Variants in ACTA2 observed in about 807,000 individuals in gnomAD.
The protein encoded by ACTA2 is actin alpha 2, smooth muscle.
ACTA2 carries 12 observed loss-of-function variants against 39.5 expected under a neutral mutation model. The observed-to-expected ratio is 0.30, with a 90% CI of 0.19 to 0.49. The LOEUF is 0.49. Ranked by LOEUF, ACTA2 falls within the 20% of genes least tolerant of loss-of-function variation. The pLI is 0.99. For missense variants in ACTA2, 236 were observed against 498.8 expected (o/e 0.47, Z 5.02); for synonymous variants, 158 against 180.6 (o/e 0.88, Z 1.00).
intron 2 of ACTA2, 33 bp from the exon 3 acceptor site, chr10:88,947,419 C>T: frequency 6.2e-7 from 1 of 1,612,948 alleles, no homozygotes; most frequent in Non-Finnish European, 8.5e-7. Flanking sequence ...GAGTCAGCAT[C>T]TCCCAAAACT....
At chr10:88,973,356 A>C in intron 1 of ACTA2, 1 of 1,483,368 alleles carries the variant, frequency 6.7e-7, no homozygotes, top group Middle Eastern at 1.8e-4. Context: ...AGGTAATCCA[A>C]GAATTGCCAG....
At position 88,939,507 on chromosome 10, in the gene ACTA2, C is replaced by T. The variant is rs794728028; in HGVS notation, c.808G>A (p.Gly270Arg). 8 of 1,612,866 alleles carry T rather than the reference C, an allele frequency of 5.0e-6. No individual in the cohort carries two copies. The highest frequency in any genetic ancestry group is 5.9e-6 in the Non-Finnish European group (7 of 1,179,900). Residue 270 changes from glycine to arginine, a missense_variant and splice_region_variant, in exon 7 of 9, where the codon GGG (glycine) becomes AGG (arginine). Coordinates refer to ENST00000224784, the MANE Select transcript of ACTA2 (RefSeq NM_001613.4). Reference sequence around the variant, plus strand: ...CAGGAAAAGGGCGTTTGTTGCCTACCGATGAAGGATGGCTGGAACAGGGTC... The same window carrying T: ...CAGGAAAAGGGCGTTTGTTGCCTACTGATGAAGGATGGCTGGAACAGGGTC... ...PETLFQPSFIGMESAGIHETT... is the reference protein window; with the variant it reads ...PETLFQPSFIRMESAGIHETT...
At chr10:88,958,953 C>T (rs190831727) in intron 1 of ACTA2, among the ~76,000 whole-genome samples, 1 of 152,278 alleles carries the variant, frequency 6.6e-6, no homozygotes, top group East Asian at 1.9e-4. Context: ...TTAGAGCAGC[C>T]TGTCCTGTAT....
chr10:88,976,486 A>T (rs1042669829), intron 1 of ACTA2, among the ~76,000 whole-genome samples: 15 of 152,256 alleles, frequency 9.9e-5, no homozygotes, highest in African/African-American at 3.6e-4. Context: ...TACATTAATT[A>T]CATTTGAATA....
intron 1 of ACTA2, among the ~76,000 whole-genome samples, chr10:88,961,391 T>G (rs1428679979): frequency 1.3e-5 from 2 of 152,226 alleles, no homozygotes; most frequent in African/African-American, 4.8e-5. Context: ...TTAAGTATCC[T>G]TTAATTCTTT....
rs111361601 is a variant in ACTA2, at chr10:88,983,212, T to C, written c.-24+7727A>G. 2.0e-5 allele frequency among the ~76,000 whole-genome samples: 3 copies of C among 152,094 alleles called. No individual in the cohort carries two copies. In the South Asian group the frequency reaches 6.2e-4, roughly 31 times the overall value. ...ATGTGAGCTATGATTCTTAGAGGAG[T>C]GAACATAAACAGCAAAAATTCTTAC... On this transcript the variant is annotated intron_variant, in intron 1 of 4. Coordinates refer to the ACTA2 transcript ENST00000415557.
intron 1 of ACTA2, among the ~76,000 whole-genome samples, chr10:88,949,749 A>T (rs945655898): frequency 6.6e-6 from 1 of 152,214 alleles, no homozygotes; most frequent in African/African-American, 2.4e-5. Flanking sequence ...GGTTAGAAAA[A>T]GTAACATTGT....
intron 1 of ACTA2, among the ~76,000 whole-genome samples, chr10:88,962,697 A>G (rs1425565528): frequency 6.6e-6 from 1 of 151,940 alleles, no homozygotes. Context: ...CGTGATTACC[A>G]TGATGTGGAA....
At chr10:88,951,633 T>C (rs1435751869) in intron 1 of ACTA2, among the ~76,000 whole-genome samples, 1 of 152,306 alleles carries the variant, frequency 6.6e-6, no homozygotes, top group East Asian at 1.9e-4. Flanking sequence ...CTAACCTGAA[T>C]GAGCAGTTCG....
intron 1 of ACTA2, among the ~76,000 whole-genome samples, chr10:88,981,424 C>T (rs988805193): frequency 6.6e-6 from 1 of 151,352 alleles, no homozygotes; most frequent in African/African-American, 2.4e-5. Flanking sequence ...TATCTTCCAT[C>T]GTCGTGATTT....
intron 1 of ACTA2, among the ~76,000 whole-genome samples, chr10:88,962,237 GCAAT>G (rs771888427): frequency 6.6e-6 from 1 of 152,072 alleles, no homozygotes. Flanking sequence ...TAAAATGATG[GCAAT>G]TAACTAACAT....
At chr10:88,970,511 G>A (rs1227509227) in intron 1 of ACTA2, among the ~76,000 whole-genome samples, 1 of 152,188 alleles carries the variant, frequency 6.6e-6, no homozygotes, top group Non-Finnish European at 1.5e-5. Flanking sequence ...TCACAACTCA[G>A]AGAGGTAGTG....
At chr10:88,939,297 C>T in intron 7 of ACTA2, 1 of 625,900 alleles carries the variant, frequency 1.6e-6, no homozygotes, top group East Asian at 2.8e-5. Context: ...GGCTTAACTG[C>T]AACATAGATA....
At chr10:88,982,942 T>A (rs1846745708) in intron 1 of ACTA2, among the ~76,000 whole-genome samples, 1 of 152,196 alleles carries the variant, frequency 6.6e-6, no homozygotes, top group Non-Finnish European at 1.5e-5. Flanking sequence ...ATGAGTGGTT[T>A]CCCTGAGCAA....
chr10:88,943,686 T>C (rs1383943470), intron 4 of ACTA2, 111 bp downstream of exon 4: 1 of 865,904 alleles, frequency 1.2e-6, no homozygotes, highest in South Asian at 1.4e-5. Context: ...AGGCTGTTAG[T>C]CTGTTGGTGG....
intron 1 of ACTA2, among the ~76,000 whole-genome samples, chr10:88,988,416 GTTTTT>G (rs748275082): frequency 1.6e-4 from 2 of 12,482 alleles, no homozygotes; most frequent in Admixed American, 7.7e-4. Context: ...AGATGTAGAA[GTTTTT>G]TTTTTTTTTT....
intron 7 of ACTA2, among the ~76,000 whole-genome samples, chr10:88,938,746 G>A (rs1564643034): frequency 6.7e-6 from 1 of 149,716 alleles, no homozygotes; most frequent in African/African-American, 2.5e-5. Flanking sequence ...TTGGGTGGGG[G>A]TGGGGGTCTG....
chr10:88,945,892 G>C (rs1190036665), intron 3 of ACTA2, among the ~76,000 whole-genome samples: 1 of 152,144 alleles, frequency 6.6e-6, no homozygotes, highest in Non-Finnish European at 1.5e-5. Flanking sequence ...ATTGCACTGA[G>C]AGGGATAACC....
upstream of ACTA2, among the ~76,000 whole-genome samples, chr10:88,952,982 C>T (rs759720645): frequency 3.9e-5 from 6 of 152,256 alleles, no homozygotes; most frequent in Non-Finnish European, 7.3e-5. Context: ...AAACGGGAGG[C>T]GGTTCAGCCG....
Sources: gnomAD v4.1 joint callset for allele counts (sites outside exome capture counted in the v4.1 genomes callset) on GRCh38, gnomAD v4.1.1 for gene constraint, MANE v1.5 for transcripts, NCBI Gene and HGNC (gene_info 2026-07-23, HGNC 2026-07-21) for gene names.